NCAM1: variants seen among roughly 807,000 people sequenced by gnomAD.
NCAM1 encodes antigen recognized by monoclonal antibody 5.1H11.
A neutral mutation model predicts 109.8 loss-of-function variants in NCAM1; 14 were observed. The observed-to-expected ratio is 0.13, with a 90% CI of 0.08 to 0.20. NCAM1 has a LOEUF of 0.20. Ranked by LOEUF, NCAM1 falls within the 10% of genes least tolerant of loss-of-function variation. The pLI, the probability that NCAM1 is intolerant of heterozygous loss-of-function variation, is 1.00. For missense variants in NCAM1, 774 were observed against 1,109.9 expected (o/e 0.70, Z 4.30); for synonymous variants, 418 against 442.9 (o/e 0.94, Z 0.70).
intron 1 of NCAM1, among the ~76,000 whole-genome samples, chr11:113,105,401 A>C (rs1366784921): frequency 1.3e-5 from 2 of 152,212 alleles, no homozygotes; most frequent in African/African-American, 4.8e-5. Flanking sequence ...TTGTCAAAGA[A>C]AGATTGTGAT....
chr11:113,107,613 C>G (rs1382237978), intron 1 of NCAM1, among the ~76,000 whole-genome samples: 3 of 152,032 alleles, frequency 2.0e-5, no homozygotes, highest in African/African-American at 4.8e-5. Flanking sequence ...GAATGAGAAC[C>G]AAGAGAAAGG....
intron 1 of NCAM1, among the ~76,000 whole-genome samples, chr11:113,157,750 T>C (rs1318869384): frequency 1.3e-5 from 2 of 152,252 alleles, no homozygotes; most frequent in South Asian, 4.1e-4. Flanking sequence ...AACCAATAAA[T>C]TTTTCAAAAC....
Position 113,207,345 on chromosome 11 carries a change from A to C in NCAM1, c.713A>C (p.Glu238Ala). The C allele has an allele frequency of 1.9e-6, 3 of 1,614,010 alleles. No homozygotes were observed. Among genetic ancestry groups the C allele is most frequent in the Non-Finnish European group, 2.5e-6 (3 of 1,179,876 alleles). Residue 238 changes from glutamate (E) to alanine (A), a missense_variant, in exon 6 of 20, where the codon GAA becomes GCA. Coordinates refer to ENST00000316851, the MANE Select transcript of NCAM1 (RefSeq NM_181351.5). ...GQSVTLVCDA[E>A]GFPEPTMSWT... The stretch of plus-strand genomic sequence containing the variant: ...TCCGTCACCCTGGTGTGCGATGCCG[A>C]AGGCTTCCCAGAGCCCACCATGAGC...
chr11:113,255,887 T>G lies in NCAM1; in HGVS notation c.1839T>G (p.Ser613Arg). 1 of 1,612,714 alleles carries G rather than the reference T, an allele frequency of 6.2e-7. No individual in the cohort carries two copies. Among genetic ancestry groups the G allele is most frequent in the Non-Finnish European group, 8.5e-7 (1 of 1,179,498 alleles). The change falls in exon 16 of 20, where the codon AGT becomes AGG. Residue 613 changes from serine to arginine, a missense_variant. By Grantham distance (110) the Ser-to-Arg change is moderately radical (BLOSUM62 -1). This residue lies in a region of NCAM1 where 523 missense variants were observed against 784.2 expected (regional missense o/e 0.67). Transcript: ENST00000316851. Reference sequence around the variant, plus strand: ...AACTGGCTGTTTCAGGGGAACCCAGTGCACCTAAGCTCGAAGGGCAGATGG... The same window carrying G: ...AACTGGCTGTTTCAGGGGAACCCAGGGCACCTAAGCTCGAAGGGCAGATGG... ...FKTQPVQGEP[S>R]APKLEGQMGE...
intron 18 of NCAM1, among the ~76,000 whole-genome samples, chr11:113,271,366 T>C (rs1240995519): frequency 1.5e-5 from 1 of 65,918 alleles, no homozygotes; most frequent in Non-Finnish European, 2.5e-5. Context: ...AGAGACTCTG[T>C]CTCAAAAAAA....
chr11:113,067,891 G>A (rs975751037), intron 1 of NCAM1, among the ~76,000 whole-genome samples: 3 of 151,412 alleles, frequency 2.0e-5, no homozygotes. Context: ...TCCAAGTATG[G>A]CATTCATATA....
intron 9 of NCAM1, 137 bp from the exon 10 acceptor site, chr11:113,231,508 A>G (rs1420697319): frequency 3.0e-6 from 3 of 986,192 alleles, no homozygotes; most frequent in Non-Finnish European, 4.5e-6. Flanking sequence ...AGCCATTGAC[A>G]CAGAGAGGAG....
At chr11:113,086,058 G>C (rs1045394339) in intron 1 of NCAM1, among the ~76,000 whole-genome samples, 11 of 152,212 alleles carry the variant, frequency 7.2e-5, no homozygotes, top group Non-Finnish European at 1.5e-4. Flanking sequence ...GATGACTTCA[G>C]ACCAATTTGC....
intron 1 of NCAM1, among the ~76,000 whole-genome samples, chr11:113,011,572 C>A (rs1235454637): frequency 1.3e-5 from 2 of 152,068 alleles, no homozygotes. Flanking sequence ...AGTTTACAGT[C>A]CCACCAACAG....
chr11:113,165,762 T>C (rs1340597486), intron 1 of NCAM1, among the ~76,000 whole-genome samples: 1 of 151,916 alleles, frequency 6.6e-6, no homozygotes, highest in Non-Finnish European at 1.5e-5. Flanking sequence ...ACTGGCTCTC[T>C]CCTGGCTTCT....
chr11:113,197,850 C>G (rs994666378), intron 1 of NCAM1, among the ~76,000 whole-genome samples: 17 of 152,118 alleles, frequency 1.1e-4, no homozygotes, highest in Middle Eastern at 3.2e-3. Flanking sequence ...GTTGCTTTGC[C>G]CACCTCTTCT....
chr11:113,097,876 G>C (rs1466862956), intron 1 of NCAM1, among the ~76,000 whole-genome samples: 1 of 152,096 alleles, frequency 6.6e-6, no homozygotes, highest in Non-Finnish European at 1.5e-5. Flanking sequence ...AAACTATAGA[G>C]AGACTTTATT....
chr11:113,271,422 G>A (rs184718121), intron 18 of NCAM1, among the ~76,000 whole-genome samples: 4 of 145,180 alleles, frequency 2.8e-5, no homozygotes, highest in Non-Finnish European at 6.0e-5. Context: ...AGAAATGTAT[G>A]TATACCTGTG....
intron 1 of NCAM1, among the ~76,000 whole-genome samples, chr11:113,175,085 A>G (rs1555106810): frequency 1.3e-5 from 2 of 152,216 alleles, no homozygotes. Context: ...CCCTTGTGGG[A>G]GATCTGTATT....
rs979281255 is a variant in NCAM1, at chr11:113,273,279, G to T, written c.2456+1403G>T. The T allele has an allele frequency of 1.1e-5, 4 of 354,740 alleles. No homozygotes were observed. In the East Asian group the frequency reaches 3.0e-4, roughly 26 times the overall value. 22.0% of individuals were successfully genotyped at this position (354,740 alleles called of 1,614,324 possible). Reference sequence around the variant, plus strand: ...TTCTAGTGTCCTGGCTAACCAAGGGGCTGTCCTCAGCCCAAGCGCCCCTGC... The same window carrying T: ...TTCTAGTGTCCTGGCTAACCAAGGGTCTGTCCTCAGCCCAAGCGCCCCTGC... On this transcript the variant is annotated intron_variant, in intron 19 of 19. Coordinates refer to ENST00000316851, the MANE Select transcript of NCAM1 (RefSeq NM_181351.5). The surrounding 1 kb of genome is among the most constrained non-coding windows in gnomAD (Gnocchi z 6.0).
chr11:113,172,665 A>C (rs1943030754), intron 1 of NCAM1, among the ~76,000 whole-genome samples: 1 of 152,182 alleles, frequency 6.6e-6, no homozygotes. Context: ...AATTATGTGG[A>C]GTTTAAATTG....
chr11:113,267,924 C>G (rs192598986), intron 17 of NCAM1, among the ~76,000 whole-genome samples: 1 of 152,242 alleles, frequency 6.6e-6, no homozygotes, highest in East Asian at 1.9e-4. Flanking sequence ...ACACATAAAC[C>G]TCAGAAGATA....
chr11:113,161,560 A>C (rs1942601747), intron 1 of NCAM1, among the ~76,000 whole-genome samples: 1 of 152,166 alleles, frequency 6.6e-6, no homozygotes, highest in Admixed American at 6.5e-5. Context: ...TCAATCTTGT[A>C]ATCAGGTTAA....
Position 113,061,036 on chromosome 11 carries a change from C to T in NCAM1, c.52+99372C>T, listed in dbSNP as rs117237196. Reference sequence around the variant, plus strand: ...TCCAGAACTTATGTATCTGGCATAACTTGGACCCTTTAATCAACACCTCTC... The same window carrying T: ...TCCAGAACTTATGTATCTGGCATAATTTGGACCCTTTAATCAACACCTCTC... On this transcript the variant is annotated intron_variant, in intron 1 of 19. Transcript: ENST00000316851. Among the ~76,000 whole-genome samples the T allele has an allele frequency of 1.2e-4, 19 of 152,270 alleles. No individual in the cohort carries two copies. In the East Asian group the frequency reaches 3.7e-3, roughly 29 times the overall value.
Sources: gnomAD v4.1 joint callset for allele counts (sites outside exome capture counted in the v4.1 genomes callset) on GRCh38, gnomAD v4.1.1 for gene constraint, gnomAD v4.1.1 regional missense constraint, Gnocchi (gnomAD v3.1) non-coding constraint, MANE v1.5 for transcripts, NCBI Gene and HGNC (gene_info 2026-07-23, HGNC 2026-07-21) for gene names.